MRPL4: variants seen among roughly 807,000 people sequenced by gnomAD.
MRPL4 encodes mitochondrial ribosomal protein L4.
Under a neutral mutation model 34.1 loss-of-function variants are expected in MRPL4, and 34 were observed. The observed-to-expected ratio is 1.00, with a 90% CI of 0.76 to 1.33. MRPL4 has a LOEUF of 1.33. MRPL4 is among the 40% of genes most tolerant of loss of function. The pLI is 0.00. For synonymous variants in MRPL4, 196 were observed against 188.3 expected (o/e 1.04, Z -0.33); for missense variants, 402 against 434.6 (o/e 0.92, Z 0.67).
rs764352849 is a variant in MRPL4 at position 10,254,650 on chromosome 19, T to A, written c.327+10T>A. 1.1e-5 allele frequency: 17 copies of A among 1,613,720 alleles called. No individual in the cohort carries two copies. The highest frequency in any genetic ancestry group is 6.7e-5 in the Admixed American group (4 of 59,974). On this transcript the variant is annotated intron_variant, in intron 4 of 8. Transcript: ENST00000253099. ...GAACTTCAAGAGAATTGTGAGTGCC[T>A]AAATGGAGCAAGGTGGTGGGAAGGA...
At chr19:10,252,816 C>A in intron 3 of MRPL4, 115 bp downstream of exon 3, 4 of 1,359,638 alleles carry the variant, frequency 2.9e-6, no homozygotes, top group Non-Finnish European at 4.0e-6. Context: ...TCTACAGCCT[C>A]CGTTTCTCCA....
intron 3 of MRPL4, 65 bp downstream of exon 3, chr19:10,252,766 C>A: frequency 6.4e-7 from 1 of 1,556,552 alleles, no homozygotes; most frequent in Non-Finnish European, 8.7e-7. Flanking sequence ...TCAGGAGTCA[C>A]GATGACTTTG....
Position 10,259,771 on chromosome 19 carries a change from C to T in MRPL4, c.894C>T (p.Pro298=). The change falls in exon 9 of 9, where the codon CCC becomes CCT. Residue 298 remains proline, a synonymous_variant. Transcript: ENST00000253099. ...ACAGCGACTTCCCCCGACCCCTACC[C>T]CACGCTACCCAGGGCCCAGCGGCCA... ...LPYSDFPRPL[P]HATQGPAATP... is the part of the protein sequence containing the mutation. The T allele has an allele frequency of 6.2e-7, 1 of 1,613,954 alleles. No individual in the cohort carries two copies. The highest frequency in any genetic ancestry group is 8.5e-7 in the Non-Finnish European group (1 of 1,179,898).
In MRPL4 at chr19:10,252,455, C is replaced by G; in HGVS notation, c.116C>G (p.Ala39Gly). ...GCGACCGAGAACCCGGAGCAGGTGG[C>G]GAGCGAGGGTAAGGCAACCGGGGTG... ...ARATENPEQV[A>G]SEGLPEPVLR... Residue 39 changes from alanine to glycine, a missense_variant, in exon 2 of 9, where the codon GCG becomes GGG. Coordinates refer to ENST00000253099, the MANE Select transcript of MRPL4 (RefSeq NM_015956.3). The G allele has an allele frequency of 6.2e-7, 1 of 1,613,954 alleles. No homozygotes were observed. The highest frequency in any genetic ancestry group is 8.5e-7 in the Non-Finnish European group (1 of 1,179,948).
chr19:10,258,766 G>A, intron 8 of MRPL4, 81 bp downstream of exon 8: 1 of 1,612,348 alleles, frequency 6.2e-7, no homozygotes, highest in Non-Finnish European at 8.5e-7. Flanking sequence ...TCCGGCATCT[G>A]GTCGCTGAGT....
chr19:10,255,511 G>C (rs1012375742), intron 4 of MRPL4: 2 of 152,694 alleles, frequency 1.3e-5, no homozygotes, highest in Non-Finnish European at 2.9e-5. Flanking sequence ...CTAGTGTGGA[G>C]ATAACAGGAA....
At chr19:10,256,641 G>C in intron 4 of MRPL4, 67 bp from the exon 5 acceptor site, 2 of 1,374,728 alleles carry the variant, frequency 1.5e-6, no homozygotes, top group Non-Finnish European at 2.1e-6. Flanking sequence ...CCCGTGGCAG[G>C]ACTGATCTGC....
chr19:10,252,752 G>A (rs1599249856), intron 3 of MRPL4, 51 bp downstream of exon 3: 1 of 1,570,024 alleles, frequency 6.4e-7, no homozygotes, highest in African/African-American at 1.3e-5. Flanking sequence ...TGAAGAGCGG[G>A]ATTTCAGGAG....
At chr19:10,252,114 C>G (rs2039794615), upstream of MRPL4, 2 of 1,049,650 alleles carry the variant, frequency 1.9e-6, no homozygotes, top group Non-Finnish European at 2.7e-6. Flanking sequence ...CGGACCCCCT[C>G]CATCTTCGGT....
rs770137717 is a variant in MRPL4, at chr19:10,258,743, A to G, written c.739+58A>G. 6.6e-5 allele frequency: 106 copies of G among 1,613,742 alleles called. 1 individual carries two copies. In the East Asian group the frequency reaches 2.3e-3, roughly 34 times the overall value. ...ATGTGCAGGCTCCGCTGTTAGAATC[A>G]CAGCGGTTCAAATCCGGCATCTGGT... is the stretch of plus-strand genomic sequence containing the variant. On this transcript the variant is annotated intron_variant, in intron 8 of 8. Transcript: ENST00000253099.
Position 10,256,974 on chromosome 19 carries a change from C to T in MRPL4, c.445+149C>T, listed in dbSNP as rs1201510856. 10 of 613,322 alleles carry T rather than the reference C, an allele frequency of 1.6e-5. 1 individual carries two copies. Among genetic ancestry groups the T allele is most frequent in the South Asian group, 1.3e-4 (5 of 39,368 alleles). The allele number at this position is 613,322 out of a possible 1,614,324, so 38.0% of individuals were successfully genotyped here. On this transcript the variant is annotated intron_variant, in intron 5 of 8. Coordinates refer to ENST00000253099, the MANE Select transcript of MRPL4 (RefSeq NM_015956.3). Reference sequence around the variant, plus strand: ...ATGGAACCACCTGGGCTGGTGACATCGGAACTGAGGCCCTTGGACCTCACT... The same window carrying T: ...ATGGAACCACCTGGGCTGGTGACATTGGAACTGAGGCCCTTGGACCTCACT...
Position 10,259,732 on chromosome 19 carries a change from C to T in MRPL4, c.855C>T (p.Pro285=). ...ACTCACGTTACAGACCCCTCTACCC[C>T]TTCAGCCTGCCCTACAGCGACTTCC... ...WQDSRYRPLY[P]FSLPYSDFPR... Residue 285 remains proline (P), a synonymous_variant, in exon 9 of 9, where the codon CCC becomes CCT. Transcript: ENST00000253099. 6.2e-7 allele frequency: 1 copy of T among 1,614,050 alleles called. No homozygotes were observed. Among genetic ancestry groups the T allele is most frequent in the Admixed American group, 1.7e-5 (1 of 60,010 alleles).
At chr19:10,259,053 C>T (rs1382274528) in intron 8 of MRPL4, 31 of 1,351,320 alleles carry the variant, frequency 2.3e-5, no homozygotes, top group Admixed American at 1.0e-4. Flanking sequence ...GAGTCATGAT[C>T]GCACCACTGC....
chr19:10,254,909 A>C, intron 4 of MRPL4: 1 of 263,222 alleles, frequency 3.8e-6, no homozygotes, highest in East Asian at 8.8e-5. Flanking sequence ...GGTTCAAGCG[A>C]TTCTCCTGCC....
At chr19:10,256,495 C>T (rs1426837063) in intron 4 of MRPL4, among the ~76,000 whole-genome samples, 1 of 152,108 alleles carries the variant, frequency 6.6e-6, no homozygotes, top group Admixed American at 6.5e-5. Flanking sequence ...CCCTGCGTGC[C>T]CGGTGGCAGG....
intron 3 of MRPL4, among the ~76,000 whole-genome samples, chr19:10,253,559 G>A (rs933563232): frequency 1.4e-4 from 22 of 151,858 alleles, no homozygotes; most frequent in Admixed American, 5.3e-4. Context: ...GGGAGGCCGA[G>A]GTGGGCGGAT....
At chr19:10,256,020 GC>G (rs1269666825) in intron 4 of MRPL4, among the ~76,000 whole-genome samples, 2 of 152,076 alleles carry the variant, frequency 1.3e-5, no homozygotes, top group African/African-American at 2.4e-5. Flanking sequence ...AGGTGCGGTG[GC>G]TCACACCTGT....
chr19:10,259,169 C>T, intron 8 of MRPL4: 1 of 1,252,998 alleles, frequency 8.0e-7, no homozygotes, highest in Non-Finnish European at 1.0e-6. Flanking sequence ...GTTCCTTCCA[C>T]AGCCACAAGA....
chr19:10,258,758 C>T lies in MRPL4; in HGVS notation c.739+73C>T, dbSNP rs78623539. 5.2e-3 allele frequency: 8,462 copies of T among 1,613,034 alleles called. 183 individuals are homozygous for T. The East Asian group carries it at 0.063, about 12-fold the overall frequency. ...TGTTAGAATCACAGCGGTTCAAATCCGGCATCTGGTCGCTGAGTGGCCTCA... is the reference window on the plus strand; with the variant it reads ...TGTTAGAATCACAGCGGTTCAAATCTGGCATCTGGTCGCTGAGTGGCCTCA... On this transcript the variant is annotated intron_variant, in intron 8 of 8. Coordinates refer to ENST00000253099, the MANE Select transcript of MRPL4 (RefSeq NM_015956.3).
Sources: gnomAD v4.1 joint callset for allele counts (sites outside exome capture counted in the v4.1 genomes callset) on GRCh38, gnomAD v4.1.1 for gene constraint, MANE v1.5 for transcripts, NCBI Gene and HGNC (gene_info 2026-07-23, HGNC 2026-07-21) for gene names.